The following FHIT variants were observed in gnomAD, a reference collection of about 807,000 sequenced individuals.
FHIT encodes the protein bis(5'-adenosyl)-triphosphatase.
A neutral mutation model predicts 17.9 loss-of-function variants in FHIT; 19 were observed. That is an observed-to-expected ratio of 1.06 (90% confidence interval 0.74 to 1.56). The LOEUF (loss-of-function observed/expected upper bound fraction) is 1.56, where lower values mean the gene tolerates loss of function less well. Ranked by LOEUF, FHIT falls within the 40% of genes most tolerant of loss-of-function variation. The probability of loss-of-function intolerance (pLI) is 0.00; values close to 1 mark genes in which losing one functional copy is unlikely to be tolerated. For synonymous variants in FHIT, 81 were observed against 69.7 expected (o/e 1.16, Z -0.81); for missense variants, 248 against 189.2 (o/e 1.31, Z -1.82).
chr3:60,368,230 T>A (rs1385100203), intron 5 of FHIT, among the ~76,000 whole-genome samples: 1 of 151,678 alleles, frequency 6.6e-6, no homozygotes, highest in Non-Finnish European at 1.5e-5. Context: ...AGGAACTGTT[T>A]TCCAAAGTGA....
intron 5 of FHIT, among the ~76,000 whole-genome samples, chr3:60,329,625 A>T (rs1434608957): frequency 2.0e-5 from 3 of 152,190 alleles, no homozygotes; most frequent in Non-Finnish European, 2.9e-5. Context: ...CTAGCAGCAG[A>T]AAGCCAAGCA....
chr3:60,705,345 A>G (rs1044243704), intron 4 of FHIT, among the ~76,000 whole-genome samples: 1 of 152,308 alleles, frequency 6.6e-6, no homozygotes, highest in African/African-American at 2.4e-5. Flanking sequence ...ACCAAAGGGA[A>G]ATAAGAACCT....
chr3:59,968,727 G>A (rs1843539), intron 7 of FHIT, among the ~76,000 whole-genome samples: 2 of 152,152 alleles, frequency 1.3e-5, no homozygotes, highest in Non-Finnish European at 2.9e-5. Flanking sequence ...AGGTCAGCAT[G>A]TGCCAAAGTG....
rs114151091 is a variant in FHIT, at chr3:59,941,767, G to A, written c.280-19353C>T. On this transcript the variant is annotated intron_variant, in intron 7 of 9. Transcript: ENST00000492590. ...AGGAGAGGAAGGTAAAAGCCACTAC[G>A]AGGTCCTCTGAGGGCAAACGCTCCC... 4.2e-3 allele frequency among the ~76,000 whole-genome samples: 637 copies of A among 152,224 alleles called. 4 individuals are homozygous for A. Among genetic ancestry groups the A allele is most frequent in the African/African-American group, 0.015 (608 of 41,534 alleles).
chr3:59,986,385 C>T (rs1708902005), intron 7 of FHIT, among the ~76,000 whole-genome samples: 1 of 149,950 alleles, frequency 6.7e-6, no homozygotes, highest in African/African-American at 2.5e-5. Context: ...TCGATTTTTC[C>T]TTCTTGTGCC....
At chr3:61,063,473 T>C (rs1481163677) in intron 2 of FHIT, among the ~76,000 whole-genome samples, 1 of 152,012 alleles carries the variant, frequency 6.6e-6, no homozygotes, top group African/African-American at 2.4e-5. Context: ...ATTTTAAAAA[T>C]ATATACCAGA....
chr3:60,206,055 C>G (rs1238375683), intron 5 of FHIT, among the ~76,000 whole-genome samples: 1 of 150,484 alleles, frequency 6.6e-6, no homozygotes, highest in African/African-American at 2.4e-5. Context: ...ATGGCGTGAA[C>G]CCGGGAGGCG....
intron 4 of FHIT, among the ~76,000 whole-genome samples, chr3:60,605,181 A>T (rs1440456704): frequency 1.4e-4 from 22 of 152,174 alleles, no homozygotes; most frequent in Non-Finnish European, 1.0e-4. Context: ...AGCTTAGGCA[A>T]TAACTTAGTA....
intron 5 of FHIT, among the ~76,000 whole-genome samples, chr3:60,377,318 C>G (rs1017969356): frequency 6.6e-6 from 1 of 151,496 alleles, no homozygotes; most frequent in Non-Finnish European, 1.5e-5. Context: ...CGCACCAACA[C>G]GCCCAGCTAA....
At chr3:60,742,794 T>C (rs1055911247) in intron 4 of FHIT, among the ~76,000 whole-genome samples, 1 of 152,210 alleles carries the variant, frequency 6.6e-6, no homozygotes, top group African/African-American at 2.4e-5. Flanking sequence ...GACTGTTCTG[T>C]AGCGCTTAAG....
intron 8 of FHIT, among the ~76,000 whole-genome samples, chr3:59,793,554 T>C (rs534174503): frequency 3.9e-5 from 6 of 152,042 alleles, no homozygotes; most frequent in Admixed American, 3.3e-4. Flanking sequence ...ACTCAAACCT[T>C]CCCCCTCTTC....
intron 4 of FHIT, among the ~76,000 whole-genome samples, chr3:60,766,640 T>C (rs1448566667): frequency 8.2e-6 from 1 of 122,362 alleles, no homozygotes; most frequent in Non-Finnish European, 1.7e-5. Context: ...CACTTTAACA[T>C]GGGAGCCTTT....
intron 5 of FHIT, among the ~76,000 whole-genome samples, chr3:60,299,233 G>C (rs1708345550): frequency 6.6e-6 from 1 of 152,048 alleles, no homozygotes; most frequent in African/African-American, 2.4e-5. Context: ...TTCCATTGCT[G>C]ATTTTCAAAT....
intron 5 of FHIT, among the ~76,000 whole-genome samples, chr3:60,514,726 C>G (rs982983597): frequency 6.6e-6 from 1 of 152,102 alleles, no homozygotes. Flanking sequence ...TTATCATAAG[C>G]CATTTTGCCT....
intron 4 of FHIT, among the ~76,000 whole-genome samples, chr3:60,612,504 C>G (rs2038816849): frequency 6.6e-6 from 1 of 152,134 alleles, no homozygotes; most frequent in South Asian, 2.1e-4. Context: ...GCTTTAGCAG[C>G]AGAGTATAAA....
intron 5 of FHIT, among the ~76,000 whole-genome samples, chr3:60,040,933 A>T (rs376572706): frequency 6.6e-6 from 1 of 152,228 alleles, no homozygotes; most frequent in African/African-American, 2.4e-5. Context: ...GGGCCTCAAG[A>T]TTTATTAGGA....
At chr3:61,101,137 T>C (rs2035808434) in intron 2 of FHIT, among the ~76,000 whole-genome samples, 1 of 152,224 alleles carries the variant, frequency 6.6e-6, no homozygotes, top group South Asian at 2.1e-4. Flanking sequence ...TCTTTGCCCA[T>C]GCCTATGACC....
chr3:60,201,771 T>C (rs781444124), intron 5 of FHIT, among the ~76,000 whole-genome samples: 12 of 152,038 alleles, frequency 7.9e-5, no homozygotes, highest in East Asian at 3.9e-4. Flanking sequence ...CTAAAATATA[T>C]TGGATCTAAG....
chr3:59,844,925 T>C (rs1279945644), intron 8 of FHIT, among the ~76,000 whole-genome samples: 1 of 152,178 alleles, frequency 6.6e-6, no homozygotes, highest in Non-Finnish European at 1.5e-5. Flanking sequence ...TCATAAGGTC[T>C]GGGGCTTCCC....
Sources: gnomAD v4.1 joint callset for allele counts (sites outside exome capture counted in the v4.1 genomes callset) on GRCh38, gnomAD v4.1.1 for gene constraint, MANE v1.5 for transcripts, NCBI Gene and HGNC (gene_info 2026-07-23, HGNC 2026-07-21) for gene names.